USP2: variants seen among roughly 807,000 people sequenced by gnomAD.
USP2 encodes ubiquitin specific peptidase 2.
In USP2, 33 loss-of-function variants were observed where a neutral mutation model predicts 72.0. The ratio of observed to expected loss-of-function variants is 0.46; its 90% CI spans 0.35 to 0.61. The LOEUF (loss-of-function observed/expected upper bound fraction) is 0.61, where lower values mean the gene tolerates loss of function less well. USP2 is among the 20% of genes least tolerant of loss of function. USP2 has a pLI of 0.01. For synonymous variants in USP2, 296 were observed against 312.5 expected (o/e 0.95, Z 0.56); for missense variants, 691 against 797.8 (o/e 0.87, Z 1.61).
Position 119,373,499 on chromosome 11 carries a change from G to T in USP2, c.-19C>A. On this transcript the variant is annotated 5_prime_UTR_variant, in exon 2 of 13. It adds an upstream start codon to the 5' untranslated region. Transcript: ENST00000260187. ...GGGACATCCTTCAGGGTGGCACTCA[G>T]TGGGGACTGGGAGCCTCATGGGCTG... 1 of 1,554,842 alleles carries T rather than the reference G, an allele frequency of 6.4e-7. No individual in the cohort carries two copies. The highest frequency in any genetic ancestry group is 1.3e-5 in the African/African-American group (1 of 74,116).
Position 119,359,219 on chromosome 11 carries a change from C to T in USP2, c.1061+12G>A. The T allele has an allele frequency of 1.2e-6, 2 of 1,613,132 alleles. No individual in the cohort carries two copies. Among genetic ancestry groups the T allele is most frequent in the Non-Finnish European group, 1.7e-6 (2 of 1,179,224 alleles). ...CCACCCACCTGAGAGGACATGTCTG[C>T]AAGGCCCTTACTTATAGCCAACAAA... On this transcript the variant is annotated intron_variant, in intron 5 of 12. Transcript: ENST00000260187.
At chr11:119,369,932 G>A (rs1349867488) in intron 2 of USP2, among the ~76,000 whole-genome samples, 8 of 152,062 alleles carry the variant, frequency 5.3e-5, no homozygotes, top group Admixed American at 3.3e-4. Context: ...TAATCTCAGC[G>A]CTTTGGGAGG....
At chr11:119,367,658 G>T (rs770963099) in intron 2 of USP2, among the ~76,000 whole-genome samples, 9 of 152,164 alleles carry the variant, frequency 5.9e-5, no homozygotes, top group Non-Finnish European at 1.3e-4. Flanking sequence ...ACCCCAAGAG[G>T]CCAAAAGCTC....
chr11:119,381,390 T>C, intron 1 of USP2, 83 bp downstream of exon 1: 1 of 1,411,756 alleles, frequency 7.1e-7, no homozygotes, highest in Non-Finnish European at 9.6e-7. Context: ...GCCCAGAATG[T>C]CGTGGACACC....
At chr11:119,360,395 A>G (rs1162654809) in intron 2 of USP2, 161 bp from the exon 3 acceptor site, 5 of 744,154 alleles carry the variant, frequency 6.7e-6, no homozygotes, top group African/African-American at 5.2e-5. Flanking sequence ...AGGAAAGAGG[A>G]TTGAGGAATG....
intron 2 of USP2, among the ~76,000 whole-genome samples, chr11:119,369,427 C>T (rs965224349): frequency 1.3e-5 from 2 of 152,132 alleles, no homozygotes; most frequent in African/African-American, 4.8e-5. Flanking sequence ...TGCTGTTGAC[C>T]TCCCTTAATG....
rs1555039728 is a variant in USP2, at chr11:119,356,057, A to AAC, written c.*777_*778insGT. 3 of 150,780 alleles carry AAC rather than the reference A, an allele frequency of 2.0e-5. No individual in the cohort carries two copies. Among genetic ancestry groups the AAC allele is most frequent in the East Asian group, 3.9e-4 (2 of 5,148 alleles). The allele number at this position is 150,780 out of a possible 1,614,324, so 9.3% of individuals were successfully genotyped here. On this transcript the variant is annotated 3_prime_UTR_variant, in exon 13 of 13. Coordinates refer to ENST00000260187, the MANE Select transcript of USP2 (RefSeq NM_004205.5). ...TTCCATTCAAAACATTAAAAAAAAAAAAAAAAAACCCAAACCCCCAAAACA... is the reference window on the plus strand; with the variant it reads ...TTCCATTCAAAACATTAAAAAAAAAAACAAAAAAAACCCAAACCCCCAAAACA...
chr11:119,378,978 G>A (rs1049490366), intron 1 of USP2: 5 of 985,252 alleles, frequency 5.1e-6, no homozygotes, highest in South Asian at 4.7e-5. Flanking sequence ...TCCCAGAGAA[G>A]CTCAGATACC....
chr11:119,375,705 C>G (rs548865420), intron 1 of USP2, among the ~76,000 whole-genome samples: 1 of 152,216 alleles, frequency 6.6e-6, no homozygotes, highest in Admixed American at 6.5e-5. Flanking sequence ...TACAATCCCC[C>G]CAACAAGGGT....
chr11:119,379,261 C>T (rs572619249), intron 1 of USP2: 20 of 985,102 alleles, frequency 2.0e-5, no homozygotes, highest in East Asian at 1.1e-4. Context: ...GCTGCCCTTT[C>T]GGGCCAGTGC....
chr11:119,372,698 TA>T lies in USP2; in HGVS notation c.774+8del. ...CCAGCCTATCCCCGGTCCCCAAGGG[TA>T]AACTCACCATGCCGTCTCTTCCCGG... is the stretch of plus-strand genomic sequence containing the variant. On this transcript the variant is annotated splice_region_variant and intron_variant, in intron 2 of 12. Transcript: ENST00000260187. 6.6e-7 allele frequency: 1 copy of T among 1,513,634 alleles called. No individual in the cohort carries two copies. The allele number at this position is 1,513,634 out of a possible 1,614,324, so 93.8% of individuals were successfully genotyped here. A position where few individuals can be genotyped will look rare whatever the true frequency, so the allele number is the denominator to read the frequency against.
intron 1 of USP2, chr11:119,376,476 C>G (rs956599317): frequency 1.1e-6 from 1 of 930,416 alleles, no homozygotes; most frequent in Non-Finnish European, 1.3e-6. Flanking sequence ...GCTCCTTTCA[C>G]TGTTTACCCA....
Position 119,378,157 on chromosome 11 carries a change from G to A in USP2, c.-42+3316C>T, listed in dbSNP as rs145502836. Among the ~76,000 whole-genome samples the A allele has an allele frequency of 2.8e-4, 43 of 152,202 alleles. No homozygotes were observed. In the East Asian group the frequency reaches 7.6e-3, roughly 27 times the overall value. On this transcript the variant is annotated intron_variant, in intron 1 of 12. Coordinates refer to ENST00000260187, the MANE Select transcript of USP2 (RefSeq NM_004205.5). Reference sequence around the variant, plus strand: ...AACAGCATCAGAATGTGCTGACCTTGAAGGACAAGGTGGGTGAGAGGGGGC... The same window carrying A: ...AACAGCATCAGAATGTGCTGACCTTAAAGGACAAGGTGGGTGAGAGGGGGC...
chr11:119,371,454 G>A (rs1484715451), intron 2 of USP2, among the ~76,000 whole-genome samples: 1 of 152,066 alleles, frequency 6.6e-6, no homozygotes, highest in African/African-American at 2.4e-5. Flanking sequence ...ATCCAGCCCT[G>A]CCTTGTCAAG....
intron 2 of USP2, among the ~76,000 whole-genome samples, chr11:119,367,348 T>C (rs1264092096): frequency 1.3e-5 from 2 of 152,220 alleles, no homozygotes; most frequent in African/African-American, 4.8e-5. Flanking sequence ...GGGCTAGCTC[T>C]ATGAGGGCGG....
Position 119,356,941 on chromosome 11 carries a change from G to A in USP2, c.1731-19C>T. ...AGTGACGCTGCGGAGAGAGCGGGGA[G>A]TCAGCCCGGAGCGGGCAGGACCGGG... On this transcript the variant is annotated intron_variant, in intron 12 of 12. Transcript: ENST00000260187. 6.4e-7 allele frequency: 1 copy of A among 1,551,790 alleles called. No individual in the cohort carries two copies.
At chr11:119,364,004 G>T in intron 2 of USP2, 4 of 1,219,640 alleles carry the variant, frequency 3.3e-6, no homozygotes, top group Non-Finnish European at 4.1e-6. Context: ...ATGCTGGGGG[G>T]CGGGCGGCGG....
Position 119,372,739 on chromosome 11 carries a change from T to A in USP2, c.742A>T (p.Ser248Cys). The A allele has an allele frequency of 1.3e-6, 2 of 1,528,748 alleles. No individual in the cohort carries two copies. Among genetic ancestry groups the A allele is most frequent in the Non-Finnish European group, 8.8e-7 (1 of 1,141,552 alleles). The allele number at this position is 1,528,748 out of a possible 1,614,324, so 94.7% of individuals were successfully genotyped here. A position where few individuals can be genotyped will look rare whatever the true frequency, so the allele number is the denominator to read the frequency against. Reference sequence around the variant, plus strand: ...TCTCTTCCCGGGGAGCTGGAGCGGCTGGGCCCAGGGGCCTGACCCTTTCCC... The same window carrying A: ...TCTCTTCCCGGGGAGCTGGAGCGGCAGGGCCCAGGGGCCTGACCCTTTCCC... ...ETGKGQAPGP[S>C]RSSSPGRDGM... Residue 248 changes from serine (S) to cysteine (C), a missense_variant, in exon 2 of 13, where the codon AGC becomes TGC. Ser to Cys is a moderately radical substitution (Grantham distance 112). Coordinates refer to ENST00000260187, the MANE Select transcript of USP2 (RefSeq NM_004205.5).
At chr11:119,367,735 T>C (rs1950874276) in intron 2 of USP2, among the ~76,000 whole-genome samples, 1 of 152,182 alleles carries the variant, frequency 6.6e-6, no homozygotes, top group Admixed American at 6.5e-5. Context: ...CACACCTCCT[T>C]CTTTTGCATG....
Sources: allele counts gnomAD v4.1 joint callset (sites outside exome capture counted in the v4.1 genomes callset), GRCh38; gene constraint gnomAD v4.1.1; transcripts MANE v1.5; gene names NCBI Gene and HGNC (gene_info 2026-07-23, HGNC 2026-07-21).